INTS7: variants seen among roughly 807,000 people sequenced by gnomAD.
The protein encoded by INTS7 is chromosome 1 open reading frame 73.
In INTS7, 46 loss-of-function variants were observed where a neutral mutation model predicts 109.2. The observed-to-expected ratio is 0.42, with a 90% confidence interval of 0.33 to 0.54. INTS7 has a LOEUF of 0.54. Ranked by LOEUF, INTS7 falls within the 20% of genes least tolerant of loss-of-function variation. The pLI, the probability that INTS7 is intolerant of heterozygous loss-of-function variation, is 0.07. For missense variants in INTS7, 929 were observed against 1,132.4 expected (o/e 0.82, Z 2.58); for synonymous variants, 412 against 402.9 (o/e 1.02, Z -0.27).
intron 7 of INTS7, 63 bp from the exon 8 acceptor site, chr1:211,988,066 C>T: frequency 2.5e-6 from 2 of 786,904 alleles, no homozygotes; most frequent in Non-Finnish European, 4.1e-6. Context: ...AAACTGTCTA[C>T]TCCATTTACA....
intron 13 of INTS7, among the ~76,000 whole-genome samples, chr1:211,973,469 C>A (rs1331241929): frequency 6.6e-6 from 1 of 152,158 alleles, no homozygotes; most frequent in Non-Finnish European, 1.5e-5. Context: ...GAATTTTGAA[C>A]TTCTCCTGTT....
At chr1:212,014,854 G>A (rs1666338866) in intron 4 of INTS7, among the ~76,000 whole-genome samples, 1 of 152,206 alleles carries the variant, frequency 6.6e-6, no homozygotes, top group Non-Finnish European at 1.5e-5. Flanking sequence ...GCTCAATCTT[G>A]CCCAGGCTGG....
intron 5 of INTS7, among the ~76,000 whole-genome samples, chr1:212,010,279 G>A (rs1666111031): frequency 6.6e-6 from 1 of 152,188 alleles, no homozygotes; most frequent in Non-Finnish European, 1.5e-5. Flanking sequence ...TTTTATGACT[G>A]CTAGGATAAA....
chr1:211,969,177 C>A (rs201791922), intron 13 of INTS7, among the ~76,000 whole-genome samples: 3 of 151,244 alleles, frequency 2.0e-5, no homozygotes, highest in African/African-American at 7.3e-5. Context: ...CCCAGCTACT[C>A]GGGAGGCTGA....
intron 6 of INTS7, 51 bp downstream of exon 6, chr1:212,007,199 T>G: frequency 1.6e-6 from 2 of 1,242,520 alleles, no homozygotes; most frequent in Non-Finnish European, 2.3e-6. Flanking sequence ...AATCATATAT[T>G]TAATATGTAA....
intron 4 of INTS7, 125 bp from the exon 5 acceptor site, chr1:212,011,546 C>T: frequency 1.5e-6 from 1 of 658,168 alleles, no homozygotes; most frequent in Non-Finnish European, 2.7e-6. Flanking sequence ...ACTAATATTC[C>T]AAGGTCAGGT....
At chr1:211,948,615 G>A (rs964591600) in intron 17 of INTS7, among the ~76,000 whole-genome samples, 1 of 152,216 alleles carries the variant, frequency 6.6e-6, no homozygotes, top group African/African-American at 2.4e-5. Flanking sequence ...GACCTCCATA[G>A]GTGTATTAGC....
intron 4 of INTS7, among the ~76,000 whole-genome samples, chr1:212,016,042 A>G (rs973918544): frequency 6.6e-6 from 1 of 152,110 alleles, no homozygotes; most frequent in African/African-American, 2.4e-5. Flanking sequence ...ATATGTTTCT[A>G]AAAACATTGG....
intron 4 of INTS7, among the ~76,000 whole-genome samples, chr1:212,015,468 C>T (rs924809848): frequency 2.0e-5 from 3 of 151,850 alleles, no homozygotes; most frequent in African/African-American, 7.3e-5. Context: ...GGATTAAGGG[C>T]GGTGCAAGAT....
chr1:211,945,116 G>C (rs909380189), intron 18 of INTS7, 147 bp from the exon 19 acceptor site: 3 of 656,770 alleles, frequency 4.6e-6, no homozygotes, highest in Non-Finnish European at 7.8e-6. Flanking sequence ...CCAGGACAAC[G>C]AGACAGATGT....
chr1:211,960,819 C>G (rs1663590900), intron 16 of INTS7, among the ~76,000 whole-genome samples: 1 of 151,960 alleles, frequency 6.6e-6, no homozygotes, highest in African/African-American at 2.4e-5. Flanking sequence ...TTGAGACAAG[C>G]CTGGCCAACA....
At chr1:212,010,034 A>G (rs1666097129) in intron 5 of INTS7, among the ~76,000 whole-genome samples, 1 of 152,264 alleles carries the variant, frequency 6.6e-6, no homozygotes, top group Admixed American at 6.5e-5. Flanking sequence ...AGGGCACAGT[A>G]GCATAAGTGG....
rs561657404 is a variant in INTS7 at position 211,941,745 on chromosome 1, C to T, written c.*79G>A. On this transcript the variant is annotated 3_prime_UTR_variant, in exon 20 of 20. Coordinates refer to ENST00000366994, the MANE Select transcript of INTS7 (RefSeq NM_015434.4). ...AATGAACTACACTGTAACTTTAATA[C>T]TTATTCCATATGAAAAACCAAACTG... 2 of 1,520,946 alleles carry T rather than the reference C, an allele frequency of 1.3e-6. No individual in the cohort carries two copies. The highest frequency in any genetic ancestry group is 1.4e-5 in the African/African-American group (1 of 72,254). The allele number at this position is 1,520,946 out of a possible 1,614,324, so 94.2% of individuals were successfully genotyped here.
At chr1:211,997,721 A>C (rs1665470636) in intron 7 of INTS7, among the ~76,000 whole-genome samples, 1 of 151,704 alleles carries the variant, frequency 6.6e-6, no homozygotes, top group African/African-American at 2.4e-5. Flanking sequence ...TCTACTAAAA[A>C]TACAAAAGTT....
chr1:212,002,598 G>A (rs1158019318), intron 7 of INTS7, among the ~76,000 whole-genome samples: 4 of 152,110 alleles, frequency 2.6e-5, no homozygotes, highest in Non-Finnish European at 5.9e-5. Flanking sequence ...TTCTCCTCCT[G>A]ATAATACCCT....
chr1:211,944,760 A>T, intron 19 of INTS7, 24 bp downstream of exon 19: 1 of 1,593,656 alleles, frequency 6.3e-7, no homozygotes, highest in Non-Finnish European at 8.6e-7. Flanking sequence ...CCTGTATCAC[A>T]ATTCTGCCTC....
rs532934104 is a variant in INTS7, at chr1:212,019,208, G to A, written c.371+914C>T. 1.2e-3 allele frequency among the ~76,000 whole-genome samples: 177 copies of A among 152,198 alleles called. No homozygotes were observed. In the Middle Eastern group the frequency reaches 0.02, roughly 18 times the overall value. On this transcript the variant is annotated intron_variant, in intron 3 of 19. Transcript: ENST00000366994. Reference sequence around the variant, plus strand: ...AGAGGTTGCAGTGAGCCAAGATCACGCCACTGCCCTCCAGCCTGGGTGACA... The same window carrying A: ...AGAGGTTGCAGTGAGCCAAGATCACACCACTGCCCTCCAGCCTGGGTGACA...
chr1:211,969,042 C>T (rs578075462), intron 13 of INTS7, among the ~76,000 whole-genome samples: 21 of 151,986 alleles, frequency 1.4e-4, no homozygotes, highest in African/African-American at 5.1e-4. Flanking sequence ...CCCAGCACTT[C>T]GGGAGGTCGA....
chr1:211,961,774 C>T (rs72748583), intron 16 of INTS7, among the ~76,000 whole-genome samples: 11,422 of 152,084 alleles, frequency 0.075, 588 homozygotes, highest in Non-Finnish European at 0.11. Flanking sequence ...AATTCATATC[C>T]GGCCAAACTA....
Sources: allele counts gnomAD v4.1 joint callset (sites outside exome capture counted in the v4.1 genomes callset), GRCh38; gene constraint gnomAD v4.1.1; transcripts MANE v1.5; gene names NCBI Gene and HGNC (gene_info 2026-07-23, HGNC 2026-07-21).